The following SORBS3 variants were observed in gnomAD, a reference collection of about 807,000 sequenced individuals.
The protein encoded by SORBS3 is vinexin.
In SORBS3, 69 loss-of-function variants were observed where a neutral mutation model predicts 98.0. The ratio of observed to expected loss-of-function variants is 0.70; its 90% CI spans 0.58 to 0.86. The LOEUF (loss-of-function observed/expected upper bound fraction) is 0.86. Ranked by LOEUF, SORBS3 falls within the 40% of genes least tolerant of loss-of-function variation. The pLI is 0.00. For synonymous variants in SORBS3, 394 were observed against 355.4 expected, an observed-to-expected ratio of 1.11 and a Z score of -1.22; for missense variants, 954 against 908.5, an observed-to-expected ratio of 1.05 and a Z score of -0.64.
intron 5 of SORBS3, among the ~76,000 whole-genome samples, chr8:22,560,560 G>T (rs764028387): frequency 2.6e-5 from 4 of 152,184 alleles, no homozygotes; most frequent in Non-Finnish European, 5.9e-5. Context: ...CAGCTGATGG[G>T]TTGAGTAAGA....
At chr8:22,567,029 G>A (rs1030510452) in intron 15 of SORBS3, 32 bp from the exon 16 acceptor site, 2 of 1,590,240 alleles carry the variant, frequency 1.3e-6, no homozygotes, top group Non-Finnish European at 1.7e-6. Context: ...GAAGGCTTCA[G>A]CTTACCCTGC....
Position 22,554,752 on chromosome 8 carries a change from T to TCTAGGTAGAGGCGCCC in SORBS3, c.103-110_103-109insTAGGTAGAGGCGCCCC. ...GGGGCCTCGCTGGTTTCCCACAAAA[T>TCTAGGTAGAGGCGCCC]CGTCAGGCGGGCCTGGGACTGTCAC... On this transcript the variant is annotated intron_variant, in intron 2 of 20. Coordinates refer to ENST00000240123, the MANE Select transcript of SORBS3 (RefSeq NM_005775.5). This position sits in a 1 kb window ranked among gnomAD's most constrained non-coding sequence, Gnocchi z 6.5. 7.3e-7 allele frequency: 1 copy of TCTAGGTAGAGGCGCCC among 1,371,236 alleles called. No homozygotes were observed. The highest frequency in any genetic ancestry group is 9.9e-7 in the Non-Finnish European group (1 of 1,006,414). The allele number at this position is 1,371,236 out of a possible 1,614,324, so 84.9% of individuals were successfully genotyped here. A position where few individuals can be genotyped will look rare whatever the true frequency, so the allele number is the denominator to read the frequency against.
At chr8:22,550,404 G>A (rs536384785), upstream of SORBS3, among the ~76,000 whole-genome samples, 1 of 152,180 alleles carries the variant, frequency 6.6e-6, no homozygotes, top group Non-Finnish European at 1.5e-5. Flanking sequence ...TTTGTCCTGG[G>A]AAGCCTTGGA....
At chr8:22,567,665 A>C (rs1840461426) in intron 16 of SORBS3, among the ~76,000 whole-genome samples, 1 of 152,210 alleles carries the variant, frequency 6.6e-6, no homozygotes, top group South Asian at 2.1e-4. Context: ...CAGAATCTGA[A>C]TCCAGGTCTT....
chr8:22,564,347 A>T lies in SORBS3; in HGVS notation c.740A>T (p.Gln247Leu), dbSNP rs1461027495. ...WTEESWNQFL[Q>L]ELETGQRPKK... ...GAAGAGTCCTGGAACCAGTTTCTGC[A>T]GGAACTAGAGACTGGGCAGAGGGTG... The change falls in exon 9 of 21, where the codon CAG (glutamine) becomes CTG (leucine). Residue 247 changes from glutamine (Q) to leucine (L), a missense_variant. Coordinates refer to ENST00000240123, the MANE Select transcript of SORBS3 (RefSeq NM_005775.5). The T allele has an allele frequency of 3.1e-6, 5 of 1,614,048 alleles. 1 individual carries two copies. In the South Asian group the frequency reaches 4.4e-5, roughly 14 times the overall value.
intron 19 of SORBS3, 145 bp downstream of exon 19, chr8:22,571,966 A>T: frequency 1.6e-6 from 1 of 643,244 alleles, no homozygotes; most frequent in Non-Finnish European, 2.8e-6. Flanking sequence ...GCTTATGGTG[A>T]TTTGGGGCAG....
intron 3 of SORBS3, among the ~76,000 whole-genome samples, chr8:22,555,595 AAC>A (rs1024803677): frequency 2.0e-5 from 3 of 151,836 alleles, no homozygotes; most frequent in Admixed American, 6.6e-5. Flanking sequence ...TGTCACTTAA[AAC>A]ACACACACAC....
chr8:22,566,315 C>G (rs1197447996), intron 12 of SORBS3, 30 bp from the exon 13 acceptor site: 1 of 1,605,848 alleles, frequency 6.2e-7, no homozygotes, highest in African/African-American at 1.3e-5. Flanking sequence ...GAGCCCCAGG[C>G]TGGAGGCTCA....
At chr8:22,559,499 G>A (rs1298247814) in intron 5 of SORBS3, among the ~76,000 whole-genome samples, 1 of 152,028 alleles carries the variant, frequency 6.6e-6, no homozygotes, top group African/African-American at 2.4e-5. Context: ...TTAGGAGTTC[G>A]AGACCAGCCT....
intron 17 of SORBS3, among the ~76,000 whole-genome samples, chr8:22,570,431 G>A (rs1840543446): frequency 6.6e-6 from 1 of 152,214 alleles, no homozygotes; most frequent in Admixed American, 6.5e-5. Flanking sequence ...GGCAGTAGTG[G>A]TAGCACCTGT....
chr8:22,574,842 ATCTGCAGACGACCCCCGCAGCC>A lies in SORBS3; in HGVS notation c.*116_*137del. ...CTTCCCCAGGACCTGAGCTCCCAGC[ATCTGCAGACGACCCCCGCAGCC>A]TTTCCCTCGGACCCCCCTCGAAGCC... On this transcript the variant is annotated 3_prime_UTR_variant, in exon 21 of 21. Coordinates refer to ENST00000240123, the MANE Select transcript of SORBS3 (RefSeq NM_005775.5). 1 of 1,023,282 alleles carries A rather than the reference ATCTGCAGACGACCCCCGCAGCC, an allele frequency of 9.8e-7. No homozygotes were observed. The highest frequency in any genetic ancestry group is 1.5e-6 in the Non-Finnish European group (1 of 649,598). The allele number at this position is 1,023,282 out of a possible 1,614,324, so 63.4% of individuals were successfully genotyped here.
intron 12 of SORBS3, 192 bp downstream of exon 12, chr8:22,566,064 C>T (rs1391898634): frequency 3.6e-6 from 2 of 554,098 alleles, no homozygotes; most frequent in Non-Finnish European, 5.5e-6. Flanking sequence ...CCGAGGGCAG[C>T]TAACTCCTAG....
chr8:22,562,698 T>G (rs1470266765), intron 7 of SORBS3, among the ~76,000 whole-genome samples: 2 of 152,268 alleles, frequency 1.3e-5, no homozygotes, highest in African/African-American at 2.4e-5. Context: ...TCACTCAGTC[T>G]GAGCCTCTGT....
At chr8:22,572,190 C>T (rs952955536) in intron 19 of SORBS3, 150 bp from the exon 20 acceptor site, 3 of 682,102 alleles carry the variant, frequency 4.4e-6, no homozygotes. Context: ...CTGGGAAAGA[C>T]TACGGTGAGC....
intron 1 of SORBS3, among the ~76,000 whole-genome samples, chr8:22,546,747 A>G (rs1178588480): frequency 6.6e-6 from 1 of 152,270 alleles, no homozygotes; most frequent in Non-Finnish European, 1.5e-5. Context: ...CAAGGCAGCC[A>G]AAGAGGATTT....
At chr8:22,565,133 C>T in intron 10 of SORBS3, 135 bp from the exon 11 acceptor site, 2 of 1,470,208 alleles carry the variant, frequency 1.4e-6, no homozygotes, top group East Asian at 2.6e-5. Context: ...CTGGCAGGAG[C>T]CCGGCCCGTG....
intron 18 of SORBS3, 83 bp from the exon 19 acceptor site, chr8:22,571,635 C>T (rs1219846820): frequency 1.9e-6 from 2 of 1,039,964 alleles, no homozygotes; most frequent in African/African-American, 3.1e-5. Context: ...CTGGGAACGC[C>T]CATTTTGGGC....
rs890381532 is a variant in SORBS3, at chr8:22,552,016, G to A, written c.-62G>A. 6.1e-6 allele frequency: 6 copies of A among 985,324 alleles called. No individual in the cohort carries two copies. The South Asian group carries it at 1.4e-4, about 23-fold the overall frequency. 61.0% of individuals were successfully genotyped at this position (985,324 alleles called of 1,614,324 possible). On this transcript the variant is annotated 5_prime_UTR_variant, in exon 1 of 21. Coordinates refer to ENST00000240123, the MANE Select transcript of SORBS3 (RefSeq NM_005775.5). ...CCTCGGGCCCAGCCACCTGCTCGCC[G>A]GGGAAGGTAGGTCCGGGCAAGGAGG...
intron 3 of SORBS3, among the ~76,000 whole-genome samples, chr8:22,556,093 T>C (rs371885764): frequency 1.8e-4 from 27 of 152,328 alleles, no homozygotes; most frequent in East Asian, 1.7e-3. Context: ...TCAAAGCCCT[T>C]ATTCTGCTGC....
Sources: allele counts gnomAD v4.1 joint callset (sites outside exome capture counted in the v4.1 genomes callset), GRCh38; gene constraint gnomAD v4.1.1; non-coding constraint Gnocchi (gnomAD v3.1); transcripts MANE v1.5; gene names NCBI Gene and HGNC (gene_info 2026-07-23, HGNC 2026-07-21).